RTF2: variants seen among roughly 807,000 people sequenced by gnomAD.
RTF2 encodes the protein replication termination factor 2, also known as UPF0549 protein C20orf43.
In RTF2, 18 loss-of-function variants were observed where a neutral mutation model predicts 38.0. That is an observed-to-expected ratio of 0.47 (90% CI 0.33 to 0.70). The LOEUF is 0.70. Among genes scored for constraint, RTF2 ranks in the 30% least tolerant of loss-of-function variants. RTF2 has a pLI of 0.02. For synonymous variants in RTF2, 126 were observed against 137.1 expected (o/e 0.92, Z 0.57); for missense variants, 311 against 379.6 (o/e 0.82, Z 1.50).
chr20:56,497,454 A>T (rs1983626856), intron 5 of RTF2: 1 of 1,529,108 alleles, frequency 6.5e-7, no homozygotes. Context: ...AGCGGAACAC[A>T]GTTCATCTGG....
chr20:56,495,748 G>A (rs959396634), intron 5 of RTF2, among the ~76,000 whole-genome samples: 6 of 152,050 alleles, frequency 3.9e-5, no homozygotes, highest in Non-Finnish European at 5.9e-5. Context: ...TGGACTCATC[G>A]TACACCACTG....
intron 5 of RTF2, among the ~76,000 whole-genome samples, chr20:56,500,585 G>C (rs745997217): frequency 1.8e-4 from 28 of 152,176 alleles, no homozygotes; most frequent in Non-Finnish European, 3.5e-4. Flanking sequence ...CCCCTGTATA[G>C]AGACAGGGAC....
rs1838117212 is a variant in RTF2 at position 56,518,969 on chromosome 20, T to C, written c.*704T>C. ...GTTGCATTGGTGATTACAGGAGTCATTCCATGAAGTCAGAAGAACCCACCC... is the reference window on the plus strand; with the variant it reads ...GTTGCATTGGTGATTACAGGAGTCACTCCATGAAGTCAGAAGAACCCACCC... On this transcript the variant is annotated 3_prime_UTR_variant, in exon 9 of 9. Transcript: ENST00000357348. 1 of 152,212 alleles carries C rather than the reference T, an allele frequency of 6.6e-6. No homozygotes were observed. Among genetic ancestry groups the C allele is most frequent in the African/African-American group, 2.4e-5 (1 of 41,440 alleles). The allele number at this position is 152,212 out of a possible 1,614,324, so 9.4% of individuals were successfully genotyped here. A position where few individuals can be genotyped will look rare whatever the true frequency, so the allele number is the denominator to read the frequency against.
intron 2 of RTF2, among the ~76,000 whole-genome samples, chr20:56,474,107 T>A (rs901358641): frequency 1.3e-5 from 2 of 152,214 alleles, no homozygotes; most frequent in South Asian, 4.1e-4. Flanking sequence ...TACGTACTTA[T>A]ACGTTAAATT....
chr20:56,515,878 C>G (rs1985015904), intron 6 of RTF2: 1 of 152,204 alleles, frequency 6.6e-6, no homozygotes, highest in South Asian at 2.1e-4. Context: ...CTACTGCTAC[C>G]AGGATACCAA....
chr20:56,474,889 C>A, intron 3 of RTF2, 118 bp downstream of exon 3: 1 of 597,864 alleles, frequency 1.7e-6, no homozygotes, highest in African/African-American at 1.9e-5. Context: ...TCCCACATGG[C>A]CATCTAATAC....
At chr20:56,469,646 C>A (rs754209436) in intron 1 of RTF2, among the ~76,000 whole-genome samples, 1 of 152,194 alleles carries the variant, frequency 6.6e-6, no homozygotes, top group East Asian at 1.9e-4. Context: ...TATTCTGATT[C>A]AGGAGCTGGA....
chr20:56,509,988 CA>C (rs202154296), intron 5 of RTF2, among the ~76,000 whole-genome samples: 8,697 of 134,730 alleles, frequency 0.065, 480 homozygotes, highest in East Asian at 0.3. Context: ...AATCCAGTCA[CA>C]AAAAAAAAAA....
intron 5 of RTF2, among the ~76,000 whole-genome samples, chr20:56,487,963 T>G (rs2146331742): frequency 6.6e-6 from 1 of 152,356 alleles, no homozygotes; most frequent in South Asian, 2.1e-4. Flanking sequence ...TGACTGTGTT[T>G]CCCAATAAGG....
chr20:56,513,059 C>T (rs767770255), intron 5 of RTF2, among the ~76,000 whole-genome samples: 4 of 152,142 alleles, frequency 2.6e-5, no homozygotes, highest in Non-Finnish European at 4.4e-5. Flanking sequence ...TAAAAAATGG[C>T]GGGAACCCTC....
intron 6 of RTF2, among the ~76,000 whole-genome samples, chr20:56,514,798 T>G (rs537493608): frequency 6.6e-6 from 1 of 152,324 alleles, no homozygotes; most frequent in South Asian, 2.1e-4. Flanking sequence ...CAAGGAACGG[T>G]GCCCAAACTC....
intron 5 of RTF2, among the ~76,000 whole-genome samples, chr20:56,500,808 C>CCT (rs968059073): frequency 3.9e-4 from 59 of 152,046 alleles, no homozygotes; most frequent in African/African-American, 1.3e-3. Flanking sequence ...TGAGACAAGG[C>CCT]CTCACTCTTA....
chr20:56,510,809 G>A (rs138325095), intron 5 of RTF2, among the ~76,000 whole-genome samples: 51 of 152,232 alleles, frequency 3.4e-4, no homozygotes, highest in Middle Eastern at 3.4e-3. Context: ...GCATGGTGGC[G>A]CACACCTATA....
At chr20:56,483,859 T>C (rs188900840) in intron 4 of RTF2, among the ~76,000 whole-genome samples, 1 of 152,352 alleles carries the variant, frequency 6.6e-6, no homozygotes, top group Admixed American at 6.5e-5. Flanking sequence ...ATTGAAAATA[T>C]TTCCTCCCTG....
chr20:56,479,015 G>A (rs1982394311), intron 4 of RTF2, among the ~76,000 whole-genome samples: 2 of 152,092 alleles, frequency 1.3e-5, no homozygotes, highest in Non-Finnish European at 2.9e-5. Context: ...ATCCATTTGG[G>A]TTTTATCGTG....
Position 56,473,315 on chromosome 20 carries a change from T to A in RTF2, c.84T>A (p.Ala28=). The A allele has an allele frequency of 1.2e-6, 2 of 1,613,402 alleles. No individual in the cohort carries two copies. Among genetic ancestry groups the A allele is most frequent in the Non-Finnish European group, 1.7e-6 (2 of 1,179,486 alleles). ...PKKVEKVDKD[A]ELVAQWNYCT... is the part of the protein sequence containing the mutation. Reference sequence around the variant, plus strand: ...TTTTTTATTAGGTCGACAAAGATGCTGAATTAGTGGCCCAATGGAACTATT... The same window carrying A: ...TTTTTTATTAGGTCGACAAAGATGCAGAATTAGTGGCCCAATGGAACTATT... Residue 28 remains alanine (A), a synonymous_variant, in exon 2 of 9, where the codon GCT becomes GCA. Transcript: ENST00000357348.
At chr20:56,488,021 A>AG (rs1982884419) in intron 5 of RTF2, among the ~76,000 whole-genome samples, 1 of 152,156 alleles carries the variant, frequency 6.6e-6, no homozygotes, top group South Asian at 2.1e-4. Flanking sequence ...TGGATTTTGC[A>AG]GGGGGGCATA....
intron 4 of RTF2, among the ~76,000 whole-genome samples, chr20:56,480,542 A>G (rs954328657): frequency 2.6e-5 from 4 of 152,204 alleles, no homozygotes; most frequent in Non-Finnish European, 5.9e-5. Flanking sequence ...TTTCCTTTGC[A>G]TCCACAGCCT....
intron 5 of RTF2, among the ~76,000 whole-genome samples, chr20:56,508,873 A>C (rs890693227): frequency 2.6e-5 from 4 of 152,226 alleles, no homozygotes; most frequent in Admixed American, 2.6e-4. Flanking sequence ...AAATAAACTC[A>C]AAGTGATCAC....
Sources: allele counts gnomAD v4.1 joint callset (sites outside exome capture counted in the v4.1 genomes callset), GRCh38; gene constraint gnomAD v4.1.1; transcripts MANE v1.5; gene names NCBI Gene and HGNC (gene_info 2026-07-23, HGNC 2026-07-21).